Variants in PTPRN2 observed in about 807,000 individuals in gnomAD.
The protein encoded by PTPRN2 is receptor-type tyrosine-protein phosphatase N2.
PTPRN2 carries 74 observed loss-of-function variants against 118.8 expected under a neutral mutation model. The ratio of observed to expected loss-of-function variants is 0.62; its 90% CI spans 0.52 to 0.76. The LOEUF (loss-of-function observed/expected upper bound fraction) is 0.76, where lower values mean the gene tolerates loss of function less well. Ranked by LOEUF, PTPRN2 falls within the 30% of genes least tolerant of loss-of-function variation. The pLI, the probability that PTPRN2 is intolerant of heterozygous loss-of-function variation, is 0.00. For missense variants in PTPRN2, 1,481 were observed against 1,394.4 expected, an observed-to-expected ratio of 1.06 and a Z score of -0.99; for synonymous variants, 641 against 608.0, an observed-to-expected ratio of 1.05 and a Z score of -0.80.
Position 157,831,169 on chromosome 7 carries a change from C to T in PTPRN2, c.1788+67504G>A, listed in dbSNP as rs1341569809. ...GAAGCACAGGAAGAGGGACTCCTTG[C>T]TGTGAGCCCAGCTGTGGGGAGGAAC... On this transcript the variant is annotated intron_variant, in intron 12 of 22. Transcript: ENST00000389418. This position sits in a 1 kb window ranked among gnomAD's most constrained non-coding sequence, Gnocchi z 4.8. Among the ~76,000 whole-genome samples, 3 of 152,190 alleles carry T rather than the reference C, an allele frequency of 2.0e-5. No individual in the cohort carries two copies. The highest frequency in any genetic ancestry group is 2.9e-5 in the Non-Finnish European group (2 of 68,038).
intron 11 of PTPRN2, among the ~76,000 whole-genome samples, chr7:157,942,605 C>T (rs1204959135): frequency 6.6e-6 from 1 of 152,000 alleles, no homozygotes; most frequent in African/African-American, 2.4e-5. Context: ...ATGACTCCAC[C>T]AGCTCCAGAC....
chr7:158,048,766 C>T (rs1214313702), intron 11 of PTPRN2, among the ~76,000 whole-genome samples: 1 of 115,964 alleles, frequency 8.6e-6, no homozygotes, highest in Non-Finnish European at 1.9e-5. Context: ...CATCATCACC[C>T]TCACCATCAT....
intron 1 of PTPRN2, among the ~76,000 whole-genome samples, chr7:158,490,119 C>T (rs1399351386): frequency 1.3e-5 from 2 of 152,152 alleles, no homozygotes; most frequent in African/African-American, 4.8e-5. Context: ...TTGAGGCCTC[C>T]CCTGGGCCCG....
rs190739016 is a variant in PTPRN2 at position 157,679,879 on chromosome 7, A to G, written c.2001+2846T>C. On this transcript the variant is annotated intron_variant, in intron 13 of 22. Coordinates refer to ENST00000389418, the MANE Select transcript of PTPRN2 (RefSeq NM_002847.5). ...TGTTTAACAGAGGACATGAGGATTC[A>G]CCTTTTGGAACCCCAGGGAGGACGC... is the stretch of plus-strand genomic sequence containing the variant. 2.3e-3 allele frequency among the ~76,000 whole-genome samples: 345 copies of G among 152,166 alleles called. 1 individual carries two copies. The highest frequency in any genetic ancestry group is 7.0e-3 in the African/African-American group (291 of 41,510).
intron 2 of PTPRN2, among the ~76,000 whole-genome samples, chr7:158,333,351 G>A (rs1482763263): frequency 3.6e-5 from 5 of 139,684 alleles, no homozygotes; most frequent in South Asian, 2.2e-4. Flanking sequence ...GGTGACACCT[G>A]CAGACGTCAC....
In PTPRN2 at chr7:158,328,937, G is replaced by A. The variant is rs151058714; in HGVS notation, c.164-12005C>T. On this transcript the variant is annotated intron_variant, in intron 2 of 22. Coordinates refer to ENST00000389418, the MANE Select transcript of PTPRN2 (RefSeq NM_002847.5). ...GAGGCCTGGGACGGTAAATCCAGGA[G>A]AGGCCAGCTTCCCTTGTGAGTGTGA... 5.0e-3 allele frequency among the ~76,000 whole-genome samples: 760 copies of A among 152,070 alleles called. 5 individuals carry two copies. Among genetic ancestry groups the A allele is most frequent in the African/African-American group, 0.017 (725 of 41,478 alleles).
intron 2 of PTPRN2, among the ~76,000 whole-genome samples, chr7:158,440,972 GGTGGTA>G (rs1817012411): frequency 6.9e-6 from 1 of 145,708 alleles, no homozygotes; most frequent in Non-Finnish European, 1.5e-5. Flanking sequence ...TAGTGGTGTT[GGTGGTA>G]GTGGTGGTGG....
intron 2 of PTPRN2, among the ~76,000 whole-genome samples, chr7:158,478,479 C>T (rs1250661321): frequency 2.0e-5 from 3 of 152,156 alleles, no homozygotes; most frequent in Non-Finnish European, 2.9e-5. Flanking sequence ...GCCCGCTCTG[C>T]GTCTCAAAGA....
intron 3 of PTPRN2, among the ~76,000 whole-genome samples, chr7:158,218,649 T>C (rs1828129587): frequency 6.6e-6 from 1 of 152,184 alleles, no homozygotes; most frequent in African/African-American, 2.4e-5. Flanking sequence ...ACAAGTTGGA[T>C]AAAGAGGCAA....
chr7:158,136,512 T>C (rs1818829650), intron 8 of PTPRN2, 143 bp downstream of exon 8: 5 of 691,410 alleles, frequency 7.2e-6, no homozygotes, highest in Non-Finnish European at 1.2e-5. Flanking sequence ...TATACTGTTT[T>C]TCAATTTGGA....
At chr7:158,328,593 C>A (rs1415129708) in intron 2 of PTPRN2, among the ~76,000 whole-genome samples, 1 of 152,182 alleles carries the variant, frequency 6.6e-6, no homozygotes, top group Non-Finnish European at 1.5e-5. Context: ...GCCTCACTGT[C>A]CGGAGAGGCC....
intron 6 of PTPRN2, among the ~76,000 whole-genome samples, chr7:158,145,678 C>T (rs1351774600): frequency 2.0e-5 from 3 of 152,260 alleles, no homozygotes; most frequent in Admixed American, 6.5e-5. Context: ...GTGGCTGCAG[C>T]TGCCTGCACA....
chr7:157,622,849 T>C lies in PTPRN2; in HGVS notation c.2197-1340A>G, dbSNP rs548477431. ...AAAAGCAGAGGGACTCCAGTGCCGT[T>C]GAGAAGCCGCACCGACTGCCTGCTC... On this transcript the variant is annotated intron_variant, in intron 14 of 22. Transcript: ENST00000389418. The surrounding 1 kb of genome is among the most constrained non-coding windows in gnomAD (Gnocchi z 5.3). 3.8e-4 allele frequency among the ~76,000 whole-genome samples: 58 copies of C among 152,272 alleles called. No individual in the cohort carries two copies. The highest frequency in any genetic ancestry group is 1.4e-3 in the African/African-American group (57 of 41,562).
intron 4 of PTPRN2, among the ~76,000 whole-genome samples, chr7:158,201,593 C>T (rs1381037114): frequency 1.3e-5 from 2 of 152,192 alleles, no homozygotes; most frequent in South Asian, 2.1e-4. Flanking sequence ...AGATAATCAA[C>T]CAAGAGCCAG....
intron 2 of PTPRN2, among the ~76,000 whole-genome samples, chr7:158,317,434 C>T (rs1394794811): frequency 9.9e-5 from 15 of 152,210 alleles, no homozygotes; most frequent in Admixed American, 7.2e-4. Context: ...TTTCCGGCGG[C>T]GCAGGAGAGG....
chr7:158,470,729 G>A (rs551033224), intron 2 of PTPRN2, among the ~76,000 whole-genome samples: 41 of 152,260 alleles, frequency 2.7e-4, no homozygotes, highest in African/African-American at 9.4e-4. Context: ...AGAGGGGGTC[G>A]GAGCATTCAC....
chr7:157,653,045 C>T (rs1284995359), intron 14 of PTPRN2, among the ~76,000 whole-genome samples: 1 of 152,306 alleles, frequency 6.6e-6, no homozygotes, highest in African/African-American at 2.4e-5. Flanking sequence ...GGGCAGTGTG[C>T]AGCCTCCACC....
intron 2 of PTPRN2, among the ~76,000 whole-genome samples, chr7:158,381,458 C>G (rs1023842099): frequency 1.3e-5 from 2 of 152,216 alleles, no homozygotes; most frequent in African/African-American, 4.8e-5. Flanking sequence ...TGGTTCCCAA[C>G]AAGTTCCTCA....
At chr7:157,833,653 G>A (rs1370603398) in intron 12 of PTPRN2, among the ~76,000 whole-genome samples, 1 of 152,258 alleles carries the variant, frequency 6.6e-6, no homozygotes, top group Admixed American at 6.5e-5. Flanking sequence ...TAAACTTGAT[G>A]GAGCATAGTT....
Sources: allele counts gnomAD v4.1 joint callset (sites outside exome capture counted in the v4.1 genomes callset), GRCh38; gene constraint gnomAD v4.1.1; non-coding constraint Gnocchi (gnomAD v3.1); transcripts MANE v1.5; gene names NCBI Gene and HGNC (gene_info 2026-07-23, HGNC 2026-07-21).